The following RAPGEF6 variants were observed in gnomAD, a reference collection of about 807,000 sequenced individuals.
RAPGEF6 encodes PDZ domain containing guanine nucleotide exchange factor (GEF) 2.
In RAPGEF6, 56 loss-of-function variants were observed where a neutral mutation model predicts 171.4. The observed-to-expected ratio is 0.33, with a 90% CI of 0.26 to 0.41. The LOEUF is 0.41. Ranked by LOEUF, RAPGEF6 falls within the 10% of genes least tolerant of loss-of-function variation. The pLI, the probability that RAPGEF6 is intolerant of heterozygous loss-of-function variation, is 1.00. For synonymous variants in RAPGEF6, 692 were observed against 650.1 expected (o/e 1.06, Z -0.98); for missense variants, 1,674 against 1,921.4 (o/e 0.87, Z 2.41).
At chr5:131,578,633 C>T (rs1762741994) in intron 4 of RAPGEF6, among the ~76,000 whole-genome samples, 3 of 152,176 alleles carry the variant, frequency 2.0e-5, no homozygotes, top group Admixed American at 6.5e-5. Flanking sequence ...CTCCTTTATG[C>T]ATCTTCCAAC....
In RAPGEF6 at chr5:131,429,124, TTAGGTCCGC is replaced by T. The variant is rs751166137; in HGVS notation, c.4549_4557del (p.Ala1517_Leu1519del). ...TTTAGGTGTGTGTGGGGTCCTTCCT[TTAGGTCCGC>T]TAAAGAAATCCCCAAATATCCTGGA... On this transcript the variant is annotated inframe_deletion, in exon 27 of 28. Transcript: ENST00000509018. 1.9e-6 allele frequency: 3 copies of T among 1,613,928 alleles called. No individual in the cohort carries two copies. The East Asian group carries it at 6.7e-5, about 36-fold the overall frequency.
intron 18 of RAPGEF6, 187 bp downstream of exon 18, chr5:131,463,854 C>A: frequency 1.6e-6 from 2 of 1,269,000 alleles, no homozygotes. Flanking sequence ...AAAACAGGAA[C>A]TAGATTATAT....
rs1315969230 is a variant in RAPGEF6, at chr5:131,450,280, C to A, written c.3200+2774G>T. Among the ~76,000 whole-genome samples the A allele has an allele frequency of 2.6e-5, 4 of 152,084 alleles. No homozygotes were observed. In the South Asian group the frequency reaches 8.3e-4, roughly 32 times the overall value. ...ATACTTTATAAAAATATGCTTTAGACCAATTATATTTTAAATACCTAATTC... is the reference window on the plus strand; with the variant it reads ...ATACTTTATAAAAATATGCTTTAGAACAATTATATTTTAAATACCTAATTC... On this transcript the variant is annotated intron_variant, in intron 21 of 27. Coordinates refer to ENST00000509018, the MANE Select transcript of RAPGEF6 (RefSeq NM_016340.6).
chr5:131,543,540 T>TATAG (rs1386021355), intron 6 of RAPGEF6, among the ~76,000 whole-genome samples: 19 of 152,130 alleles, frequency 1.2e-4, no homozygotes, highest in Non-Finnish European at 1.3e-4. Flanking sequence ...AGGAAGAATC[T>TATAG]ATAGATATTA....
intron 1 of RAPGEF6, among the ~76,000 whole-genome samples, chr5:131,628,928 T>C (rs932509471): frequency 6.6e-6 from 1 of 152,212 alleles, no homozygotes; most frequent in Non-Finnish European, 1.5e-5. Context: ...AAAATACTAC[T>C]ACTCACTGAC....
chr5:131,529,143 A>G (rs1296034622), intron 6 of RAPGEF6, among the ~76,000 whole-genome samples: 1 of 151,150 alleles, frequency 6.6e-6, no homozygotes, highest in Non-Finnish European at 1.5e-5. Flanking sequence ...TTCTCTCTAG[A>G]GAGACCACGG....
chr5:131,553,869 A>G (rs1000269267), intron 5 of RAPGEF6, among the ~76,000 whole-genome samples: 1 of 152,086 alleles, frequency 6.6e-6, no homozygotes, highest in African/African-American at 2.4e-5. Flanking sequence ...CATACAGCAC[A>G]AAGTCATCAT....
chr5:131,492,537 T>G, intron 14 of RAPGEF6, 45 bp downstream of exon 14: 3 of 1,571,554 alleles, frequency 1.9e-6, no homozygotes, highest in Non-Finnish European at 2.6e-6. Context: ...GCAGGCATAA[T>G]ACTTTTAAGA....
intron 7 of RAPGEF6, among the ~76,000 whole-genome samples, chr5:131,518,905 A>T (rs910120407): frequency 9.9e-5 from 15 of 151,926 alleles, no homozygotes; most frequent in African/African-American, 3.4e-4. Context: ...TGGTTAATTT[A>T]TAAGTTTCAT....
intron 13 of RAPGEF6, among the ~76,000 whole-genome samples, chr5:131,493,573 CT>C (rs1237168035): frequency 1.3e-5 from 2 of 152,110 alleles, no homozygotes; most frequent in Non-Finnish European, 2.9e-5. Flanking sequence ...TATTTTAGCT[CT>C]TCCTTAAACT....
At chr5:131,588,951 T>A (rs888825700) in intron 4 of RAPGEF6, among the ~76,000 whole-genome samples, 1 of 151,744 alleles carries the variant, frequency 6.6e-6, no homozygotes, top group Non-Finnish European at 1.5e-5. Context: ...ATGCCTGTAA[T>A]CCCAGCTACT....
In RAPGEF6 at chr5:131,635,210, G is replaced by A. The variant is rs950922063; in HGVS notation, c.-180C>T. On this transcript the variant is annotated 5_prime_UTR_variant, in exon 1 of 28. Coordinates refer to ENST00000509018, the MANE Select transcript of RAPGEF6 (RefSeq NM_016340.6). The stretch of plus-strand genomic sequence containing the variant: ...CCGCCTAAGGCCTCTACCCACGCGC[G>A]ACTGGCCGGAGACAAGTCTGCGCGG... 1 of 604,016 alleles carries A rather than the reference G, an allele frequency of 1.7e-6. No homozygotes were observed. Among genetic ancestry groups the A allele is most frequent in the East Asian group, 3.1e-5 (1 of 32,690 alleles). 37.4% of individuals were successfully genotyped at this position (604,016 alleles called of 1,614,324 possible).
Position 131,427,033 on chromosome 5 carries a change from T to C in RAPGEF6, c.*233A>G, listed in dbSNP as rs1394555363. ...CCCAAGGCAGTTCCGGCGTGCAAAG[T>C]GGAGACTGGTATCCAGGCATAGCAT... On this transcript the variant is annotated 3_prime_UTR_variant, in exon 28 of 28. Transcript: ENST00000509018. 3.6e-6 allele frequency: 2 copies of C among 548,300 alleles called. No individual in the cohort carries two copies. The highest frequency in any genetic ancestry group is 2.0e-5 in the African/African-American group (1 of 51,224). 34.0% of individuals were successfully genotyped at this position (548,300 alleles called of 1,614,324 possible).
rs1756149718 is a variant in RAPGEF6 at position 131,489,640 on chromosome 5, A to G, written c.1746T>C (p.Asn582=). 10 of 1,546,088 alleles carry G rather than the reference A, an allele frequency of 6.5e-6. No homozygotes were observed. Among genetic ancestry groups the G allele is most frequent in the Non-Finnish European group, 8.9e-6 (10 of 1,127,256 alleles). The change falls in exon 15 of 28, where the codon AAT becomes AAC. Residue 582 remains asparagine, a synonymous_variant. Coordinates refer to ENST00000509018, the MANE Select transcript of RAPGEF6 (RefSeq NM_016340.6). Reference sequence around the variant, plus strand: ...ATGTAATATTCTCAAAGTTTTGTCCATTTACTTCCATAATCTTAAAAGTAT... The same window carrying G: ...ATGTAATATTCTCAAAGTTTTGTCCGTTTACTTCCATAATCTTAAAAGTAT... ...LKRGDQIMEV[N]GQNFENITFM...
intron 6 of RAPGEF6, among the ~76,000 whole-genome samples, chr5:131,533,209 CA>C (rs1561542238): frequency 1.5e-4 from 23 of 150,178 alleles, no homozygotes; most frequent in African/African-American, 2.4e-4. Context: ...CACACACACA[CA>C]CACCCCATCC....
chr5:131,464,431 T>C (rs1300312898), intron 17 of RAPGEF6, 150 bp from the exon 18 acceptor site: 1 of 648,212 alleles, frequency 1.5e-6, no homozygotes, highest in African/African-American at 1.8e-5. Flanking sequence ...TTGCATTTAT[T>C]GATAAATATA....
At chr5:131,584,451 T>G (rs1053291825) in intron 4 of RAPGEF6, among the ~76,000 whole-genome samples, 2 of 152,184 alleles carry the variant, frequency 1.3e-5, no homozygotes, top group East Asian at 1.9e-4. Flanking sequence ...TTAGGAAACA[T>G]TTATAGTTTA....
At chr5:131,632,451 C>A (rs1015598533) in intron 1 of RAPGEF6, among the ~76,000 whole-genome samples, 45 of 152,182 alleles carry the variant, frequency 3.0e-4, no homozygotes, top group African/African-American at 9.9e-4. Flanking sequence ...TGCAACCCAG[C>A]CCTTGCCCCT....
intron 6 of RAPGEF6, among the ~76,000 whole-genome samples, chr5:131,524,190 G>T (rs1758702799): frequency 6.6e-6 from 1 of 152,150 alleles, no homozygotes; most frequent in South Asian, 2.1e-4. Context: ...CAAGAAAGAA[G>T]AAAAACCAAG....
Sources: allele counts gnomAD v4.1 joint callset (sites outside exome capture counted in the v4.1 genomes callset), GRCh38; gene constraint gnomAD v4.1.1; transcripts MANE v1.5; gene names NCBI Gene and HGNC (gene_info 2026-07-23, HGNC 2026-07-21).